TECPR1: variants seen among roughly 807,000 people sequenced by gnomAD.
The protein encoded by TECPR1 is tectonin beta-propeller repeat containing 1.
A neutral mutation model predicts 162.4 loss-of-function variants in TECPR1; 122 were observed. The ratio of observed to expected loss-of-function variants is 0.75; its 90% CI spans 0.65 to 0.87. The LOEUF is 0.87. TECPR1 is among the 40% of genes least tolerant of loss of function. The probability of loss-of-function intolerance (pLI) is 0.00; values close to 1 mark genes in which losing one functional copy is unlikely to be tolerated. For synonymous variants in TECPR1, 642 were observed against 670.6 expected, an observed-to-expected ratio of 0.96 and a Z score of 0.66; for missense variants, 1,432 against 1,618.2, an observed-to-expected ratio of 0.88 and a Z score of 1.97.
chr7:98,242,915 T>C (rs1344924566), intron 6 of TECPR1, among the ~76,000 whole-genome samples: 27 of 61,818 alleles, frequency 4.4e-4, no homozygotes, highest in South Asian at 1.2e-3. Context: ...CACCCACCCA[T>C]CCACACACCC....
In TECPR1 at chr7:98,228,725, G is replaced by A. The variant is rs574122065; in HGVS notation, c.2410+314C>T. The A allele has an allele frequency of 3.5e-5, 10 of 286,698 alleles. No homozygotes were observed. The East Asian group carries it at 3.7e-4, about 11-fold the overall frequency. 17.8% of individuals were successfully genotyped at this position (286,698 alleles called of 1,614,324 possible). ...AGAGGGACCCTGGCTCCTAGAAATC[G>A]GGGGGCCACAGAAGTTCAGCGAGTG... On this transcript the variant is annotated intron_variant, in intron 16 of 25. Coordinates refer to ENST00000447648, the MANE Select transcript of TECPR1 (RefSeq NM_015395.3).
At chr7:98,231,201 C>G (rs755030975) in intron 14 of TECPR1, 23 bp downstream of exon 14, 1 of 1,610,262 alleles carries the variant, frequency 6.2e-7, no homozygotes, top group East Asian at 2.2e-5. Context: ...CCCCCCGGCC[C>G]GAGGGGACCA....
intron 2 of TECPR1, among the ~76,000 whole-genome samples, chr7:98,250,145 G>C (rs1799024716): frequency 6.6e-6 from 1 of 152,148 alleles, no homozygotes; most frequent in Non-Finnish European, 1.5e-5. Flanking sequence ...ATAATTGGTG[G>C]ACAGATATGT....
chr7:98,229,772 T>C (rs373088388), intron 15 of TECPR1, among the ~76,000 whole-genome samples: 2 of 152,126 alleles, frequency 1.3e-5, no homozygotes, highest in East Asian at 1.9e-4. Flanking sequence ...TGACAGGATA[T>C]TGCTGTCCCC....
rs1469422016 is a variant in TECPR1, at chr7:98,238,521, TC to T, written c.1022del (p.Gly341GlufsTer2). The T allele has an allele frequency of 6.4e-7, 1 of 1,564,742 alleles. No individual in the cohort carries two copies. The highest frequency in any genetic ancestry group is 8.7e-7 in the Non-Finnish European group (1 of 1,154,808). ...MVGEMTMVNV[G>X]MNDQVWGIGC... ...CCCACGTGCACACCTGGTCGTTCAT[TC>T]CCACGTTCACCATCGTCATCTCACC... On this transcript the variant is annotated frameshift_variant, in exon 9 of 26. Coordinates refer to ENST00000447648, the MANE Select transcript of TECPR1 (RefSeq NM_015395.3). LOFTEE classifies it high-confidence loss of function.
At chr7:98,221,884 G>A in intron 22 of TECPR1, 131 bp from the exon 23 acceptor site, 1 of 688,776 alleles carries the variant, frequency 1.5e-6, no homozygotes, top group Non-Finnish European at 2.5e-6. Context: ...ACACAGAGCT[G>A]ACACGTGCCC....
chr7:98,250,589 G>A (rs1260600188), intron 2 of TECPR1, among the ~76,000 whole-genome samples: 1 of 152,202 alleles, frequency 6.6e-6, no homozygotes, highest in Non-Finnish European at 1.5e-5. Flanking sequence ...AGTGAGCTAT[G>A]ATTGTGCCAC....
chr7:98,239,927 G>C (rs139425747), intron 8 of TECPR1, among the ~76,000 whole-genome samples: 1,859 of 152,182 alleles, frequency 0.012, 37 homozygotes, highest in African/African-American at 0.043. Context: ...TGGCTAACTC[G>C]GTGATACCCC....
intron 5 of TECPR1, among the ~76,000 whole-genome samples, chr7:98,243,974 G>T (rs1389687030): frequency 1.3e-5 from 2 of 152,180 alleles, no homozygotes; most frequent in Non-Finnish European, 2.9e-5. Flanking sequence ...GAGGTGGGAG[G>T]ATTGCTTGAG....
rs1246447905 is a variant in TECPR1 at position 98,223,944 on chromosome 7, G to T, written c.2691-226C>A. ...GTGCAGCCCTGGGGACCTGCAGGGA[G>T]GGCCTCCTGGGGGTTGGGGCCTCCC... is the stretch of plus-strand genomic sequence containing the variant. On this transcript the variant is annotated intron_variant, in intron 19 of 25. Coordinates refer to ENST00000447648, the MANE Select transcript of TECPR1 (RefSeq NM_015395.3). Among the ~76,000 whole-genome samples, 4 of 152,276 alleles carry T rather than the reference G, an allele frequency of 2.6e-5. 1 individual carries two copies. In the East Asian group the frequency reaches 5.8e-4, roughly 22 times the overall value.
rs764365636 is a variant in TECPR1, at chr7:98,230,978, G to C, written c.2265C>G (p.Pro755=). Residue 755 remains proline, a synonymous_variant, in exon 15 of 26, where the codon CCC becomes CCG. Coordinates refer to ENST00000447648, the MANE Select transcript of TECPR1 (RefSeq NM_015395.3). ...PSPDLEAHEH[P]LPCDQMFWRQ... ...TCACTCACATCTGGTCGCAGGGCAG[G>C]GGGTGCTCGTGGGCCTCCAGGTCTG... is the stretch of plus-strand genomic sequence containing the variant. 25 of 1,611,964 alleles carry C rather than the reference G, an allele frequency of 1.6e-5. No homozygotes were observed. Among genetic ancestry groups the C allele is most frequent in the Non-Finnish European group, 2.0e-5 (23 of 1,179,362 alleles).
chr7:98,221,808 GGTGGGGCT>G, intron 22 of TECPR1, 55 bp from the exon 23 acceptor site: 1 of 1,472,814 alleles, frequency 6.8e-7, no homozygotes, highest in Non-Finnish European at 9.4e-7. Flanking sequence ...GCATGGGCCA[GGTGGGGCT>G]GTGGGCCTCG....
intron 10 of TECPR1, among the ~76,000 whole-genome samples, chr7:98,234,486 C>T (rs190773486): frequency 6.6e-6 from 1 of 152,250 alleles, no homozygotes; most frequent in Non-Finnish European, 1.5e-5. Flanking sequence ...AGACCAGCTT[C>T]AGGATTCCCT....
intron 15 of TECPR1, among the ~76,000 whole-genome samples, chr7:98,229,832 C>G (rs75473323): frequency 6.6e-6 from 1 of 152,106 alleles, no homozygotes; most frequent in African/African-American, 2.4e-5. Flanking sequence ...CCAGTGCCCA[C>G]GGGTAATGAA....
At position 98,232,203 on chromosome 7, in the gene TECPR1, A is replaced by G. The variant is rs576765504; in HGVS notation, c.1819-244T>C. Among the ~76,000 whole-genome samples the G allele has an allele frequency of 9.2e-5, 14 of 152,248 alleles. No homozygotes were observed. Among genetic ancestry groups the G allele is most frequent in the Admixed American group, 9.1e-4 (14 of 15,304 alleles). ...TCTCTCTCAAACAGCCAGAGTGGGCACTGCCATCCCGCCTTCTGCATGGGG... is the reference window on the plus strand; with the variant it reads ...TCTCTCTCAAACAGCCAGAGTGGGCGCTGCCATCCCGCCTTCTGCATGGGG... On this transcript the variant is annotated intron_variant, in intron 12 of 25. Transcript: ENST00000447648. The surrounding 1 kb of genome is among the most constrained non-coding windows in gnomAD (Gnocchi z 4.6).
chr7:98,237,167 C>T (rs1031544993), intron 9 of TECPR1, among the ~76,000 whole-genome samples: 3 of 151,940 alleles, frequency 2.0e-5, no homozygotes, highest in African/African-American at 4.8e-5. Context: ...ACAAGGTCCA[C>T]GGGAAGTGGC....
intron 10 of TECPR1, among the ~76,000 whole-genome samples, chr7:98,234,985 A>G (rs566444805): frequency 6.6e-6 from 1 of 152,252 alleles, no homozygotes; most frequent in East Asian, 1.9e-4. Context: ...AAGTGCTGGG[A>G]CTGCAGGTGT....
chr7:98,234,990 A>C (rs1224716130), intron 10 of TECPR1, among the ~76,000 whole-genome samples: 2 of 152,154 alleles, frequency 1.3e-5, no homozygotes, highest in Non-Finnish European at 2.9e-5. Context: ...CTGGGACTGC[A>C]GGTGTGAGCT....
intron 5 of TECPR1, 79 bp downstream of exon 5, chr7:98,244,492 G>T: frequency 6.6e-7 from 1 of 1,522,002 alleles, no homozygotes; most frequent in Non-Finnish European, 8.8e-7. Flanking sequence ...CACACAGGTG[G>T]GGAAGGTGGA....
Sources: gnomAD v4.1 joint callset for allele counts (sites outside exome capture counted in the v4.1 genomes callset) on GRCh38, gnomAD v4.1.1 for gene constraint, Gnocchi (gnomAD v3.1) non-coding constraint, MANE v1.5 for transcripts, NCBI Gene and HGNC (gene_info 2026-07-23, HGNC 2026-07-21) for gene names.